WWOX: variants seen among roughly 807,000 people sequenced by gnomAD.
WWOX encodes the protein WW domain-containing oxidoreductase.
In WWOX, 69 loss-of-function variants were observed where a neutral mutation model predicts 46.2. The observed-to-expected ratio is 1.49, with a 90% CI of 1.23 to 1.82. The LOEUF (loss-of-function observed/expected upper bound fraction) is 1.82, where lower values mean the gene tolerates loss of function less well. Among genes scored for constraint, WWOX ranks in the 40% most tolerant of loss-of-function variants. The pLI, the probability that WWOX is intolerant of heterozygous loss-of-function variation, is 0.00. For synonymous variants in WWOX, 359 were observed against 202.6 expected, an observed-to-expected ratio of 1.77 and a Z score of -6.56; for missense variants, 919 against 542.6, an observed-to-expected ratio of 1.69 and a Z score of -6.89.
intron 3 of WWOX, 116 bp downstream of exon 3, chr16:78,109,951 G>A: frequency 8.9e-7 from 1 of 1,124,354 alleles, no homozygotes; most frequent in Non-Finnish European, 1.3e-6. Context: ...GTGTGTATCT[G>A]TAATCTTAGC....
intron 8 of WWOX, among the ~76,000 whole-genome samples, chr16:78,845,440 A>C (rs552021702): frequency 1.3e-5 from 2 of 152,200 alleles, no homozygotes; most frequent in Non-Finnish European, 2.9e-5. Flanking sequence ...ACTGGAGTCA[A>C]CTGTCAAATA....
chr16:78,708,398 C>T (rs571329686), intron 8 of WWOX, among the ~76,000 whole-genome samples: 6 of 152,248 alleles, frequency 3.9e-5, no homozygotes, highest in Non-Finnish European at 8.8e-5. Flanking sequence ...GACGTAGCAC[C>T]TACCTGTGAC....
intron 8 of WWOX, among the ~76,000 whole-genome samples, chr16:78,579,904 C>G (rs552543563): frequency 1.3e-5 from 2 of 152,268 alleles, no homozygotes; most frequent in East Asian, 1.9e-4. Flanking sequence ...CTCTGCATTT[C>G]ACTCCGAGCC....
rs193114787 is a variant in WWOX, at chr16:78,326,529, G to C, written c.517-60331G>C. 4.8e-4 allele frequency among the ~76,000 whole-genome samples: 66 copies of C among 138,766 alleles called. 1 individual carries two copies. The highest frequency in any genetic ancestry group is 1.7e-3 in the African/African-American group (60 of 36,306). 91.0% of individuals were successfully genotyped at this position (138,766 alleles called of 152,430 possible). ...CACTGTTACTTACTGTGTTTCTCTG[G>C]ATGTATTACTTAACCTCTCTGGCTT... On this transcript the variant is annotated intron_variant, in intron 5 of 8. Coordinates refer to ENST00000566780, the MANE Select transcript of WWOX (RefSeq NM_016373.4).
rs142218559 is a variant in WWOX at position 79,211,893 on chromosome 16, A to T, written c.*97A>T. The T allele has an allele frequency of 6.2e-5, 97 of 1,566,492 alleles. No homozygotes were observed. The African/African-American group carries it at 1.2e-3, about 20-fold the overall frequency. ...CCCCTTCCAAATGTCCCTCCAACAC[A>T]GATCCGCAAGAGTAAAGGAAATAAG... is the stretch of plus-strand genomic sequence containing the variant. On this transcript the variant is annotated 3_prime_UTR_variant, in exon 9 of 9. Coordinates refer to ENST00000566780, the MANE Select transcript of WWOX (RefSeq NM_016373.4).
At chr16:78,905,267 T>C (rs1447353452) in intron 8 of WWOX, among the ~76,000 whole-genome samples, 2 of 152,160 alleles carry the variant, frequency 1.3e-5, no homozygotes, top group African/African-American at 2.4e-5. Context: ...CTAATTTCAG[T>C]TGTATATTGA....
intron 5 of WWOX, among the ~76,000 whole-genome samples, chr16:78,225,892 C>G (rs996932666): frequency 2.0e-5 from 3 of 152,222 alleles, no homozygotes; most frequent in Non-Finnish European, 2.9e-5. Flanking sequence ...TATAATTTGA[C>G]TCCCTTCTAT....
chr16:78,587,476 A>G (rs11150090), intron 8 of WWOX, among the ~76,000 whole-genome samples: 13,191 of 152,116 alleles, frequency 0.087, 699 homozygotes, highest in East Asian at 0.18. Context: ...ATTGATTCCA[A>G]ACGTGCATGA....
At chr16:79,072,743 C>G (rs911068840) in intron 8 of WWOX, among the ~76,000 whole-genome samples, 7 of 152,172 alleles carry the variant, frequency 4.6e-5, no homozygotes, top group Non-Finnish European at 1.0e-4. Flanking sequence ...TTAAATCTTC[C>G]AGCAATTCTT....
At chr16:78,686,418 G>T (rs2142250182) in intron 8 of WWOX, among the ~76,000 whole-genome samples, 2 of 152,264 alleles carry the variant, frequency 1.3e-5, no homozygotes, top group East Asian at 3.9e-4. Context: ...GGCCGAGGCA[G>T]GAGAATGGTG....
chr16:78,800,528 A>T (rs916248108), intron 8 of WWOX, among the ~76,000 whole-genome samples: 2 of 152,254 alleles, frequency 1.3e-5, no homozygotes, highest in Middle Eastern at 6.8e-3. Flanking sequence ...GTAAGCCTAT[A>T]TGGTCATAAT....
intron 8 of WWOX, among the ~76,000 whole-genome samples, chr16:78,997,318 T>G (rs1311362330): frequency 6.6e-6 from 1 of 152,190 alleles, no homozygotes; most frequent in African/African-American, 2.4e-5. Flanking sequence ...ATATCAGCTT[T>G]GGAAATAACG....
At chr16:78,806,493 C>T in intron 8 of WWOX, among the ~76,000 whole-genome samples, 1 of 152,126 alleles carries the variant, frequency 6.6e-6, no homozygotes, top group Non-Finnish European at 1.5e-5. Flanking sequence ...GGTCTGAGAT[C>T]ATCTGAAGGT....
intron 8 of WWOX, among the ~76,000 whole-genome samples, chr16:78,456,789 G>C (rs1309228200): frequency 6.6e-6 from 1 of 152,206 alleles, no homozygotes; most frequent in African/African-American, 2.4e-5. Context: ...ATTATTTAAA[G>C]TGCTGTGGCT....
At chr16:78,613,736 G>C (rs1031260151) in intron 8 of WWOX, among the ~76,000 whole-genome samples, 1 of 152,178 alleles carries the variant, frequency 6.6e-6, no homozygotes, top group African/African-American at 2.4e-5. Context: ...TTCCAGCCGA[G>C]AATGCTTTCC....
chr16:79,128,896 C>T (rs538657646), intron 8 of WWOX, among the ~76,000 whole-genome samples: 2 of 152,132 alleles, frequency 1.3e-5, no homozygotes, highest in Non-Finnish European at 2.9e-5. Flanking sequence ...ACTGGTGTCA[C>T]GATCCCACAA....
At position 78,266,822 on chromosome 16, in the gene WWOX, C is replaced by G. The variant is rs958726346; in HGVS notation, c.516+102533C>G. Among the ~76,000 whole-genome samples, 8 of 150,156 alleles carry G rather than the reference C, an allele frequency of 5.3e-5. No homozygotes were observed. The South Asian group carries it at 8.5e-4, about 16-fold the overall frequency. On this transcript the variant is annotated intron_variant, in intron 5 of 8. Coordinates refer to ENST00000566780, the MANE Select transcript of WWOX (RefSeq NM_016373.4). Reference sequence around the variant, plus strand: ...TCTCTCTCTCTCTCTCTCTCTCTCTCTCTGTCTCCCTCTCTCCCCCTCTCT... The same window carrying G: ...TCTCTCTCTCTCTCTCTCTCTCTCTGTCTGTCTCCCTCTCTCCCCCTCTCT...
At chr16:78,763,045 C>G (rs533197328) in intron 8 of WWOX, among the ~76,000 whole-genome samples, 1 of 152,154 alleles carries the variant, frequency 6.6e-6, no homozygotes, top group Admixed American at 6.5e-5. Flanking sequence ...CTGGGACTTA[C>G]ACTAGAACAT....
chr16:78,912,302 C>A (rs1359534808), intron 8 of WWOX, among the ~76,000 whole-genome samples: 1 of 152,122 alleles, frequency 6.6e-6, no homozygotes, highest in East Asian at 1.9e-4. Context: ...AGGCACTATG[C>A]TATGCACCTT....
Sources: allele counts gnomAD v4.1 joint callset (sites outside exome capture counted in the v4.1 genomes callset), GRCh38; gene constraint gnomAD v4.1.1; transcripts MANE v1.5; gene names NCBI Gene and HGNC (gene_info 2026-07-23, HGNC 2026-07-21).